The following COL4A1 variants were observed in gnomAD, a reference collection of about 807,000 sequenced individuals.
COL4A1 encodes the protein collagen alpha-1(IV) chain.
In COL4A1, 40 loss-of-function variants were observed where a neutral mutation model predicts 216.6. That is an observed-to-expected ratio of 0.18 (90% confidence interval 0.14 to 0.24). The LOEUF (loss-of-function observed/expected upper bound fraction) is 0.24, where lower values mean the gene tolerates loss of function less well. COL4A1 is among the 10% of genes least tolerant of loss of function. COL4A1 has a pLI of 1.00. For synonymous variants in COL4A1, 839 were observed against 810.7 expected (o/e 1.03, Z -0.59); for missense variants, 1,628 against 2,196.8 (o/e 0.74, Z 5.18).
At chr13:110,253,821 G>A (rs922062705) in intron 1 of COL4A1, among the ~76,000 whole-genome samples, 1 of 96,948 alleles carries the variant, frequency 1.0e-5, no homozygotes, top group Admixed American at 1.0e-4. Context: ...TTATACGTAT[G>A]TATGTATTAT....
In COL4A1 at chr13:110,173,913, C is replaced by T. The variant is rs182418518; in HGVS notation, c.3492G>A (p.Glu1164=). 15 of 1,614,238 alleles carry T rather than the reference C, an allele frequency of 9.3e-6. No individual in the cohort carries two copies. Among genetic ancestry groups the T allele is most frequent in the Admixed American group, 6.7e-5 (4 of 60,026 alleles). Residue 1164 remains glutamate (E), a synonymous_variant, in exon 40 of 52, where the codon GAG becomes GAA. Transcript: ENST00000375820. ...GTTGGGCCATACCTGGTTCACCCTT[C>T]TCTCCTGCTGACCCCGGGATTCCAT... ...GSDGIPGSAG[E]KGEPGLPGRG...
chr13:110,255,574 G>C (rs12583409), intron 1 of COL4A1, among the ~76,000 whole-genome samples: 11,982 of 20,624 alleles, frequency 0.58, 3,168 homozygotes, highest in East Asian at 0.69. Flanking sequence ...AGGAAGGGAG[G>C]GGGCAGGCAG....
chr13:110,239,428 C>T (rs1881461129), intron 2 of COL4A1, among the ~76,000 whole-genome samples: 1 of 152,214 alleles, frequency 6.6e-6, no homozygotes, highest in Admixed American at 6.5e-5. Flanking sequence ...TTCCAAATTT[C>T]TAAGGCTGTG....
intron 18 of COL4A1, among the ~76,000 whole-genome samples, chr13:110,202,284 C>G (rs1879287764): frequency 6.8e-6 from 1 of 147,256 alleles, no homozygotes; most frequent in African/African-American, 2.5e-5. Context: ...GGTCGCAAGA[C>G]AAGAAGAGGC....
At chr13:110,213,675 G>A (rs1879928723) in intron 4 of COL4A1, 107 bp downstream of exon 4, 2 of 1,126,988 alleles carry the variant, frequency 1.8e-6, no homozygotes, top group Non-Finnish European at 2.7e-6. Context: ...GCTGGGAGAG[G>A]AGATGGAGGA....
intron 21 of COL4A1, 90 bp downstream of exon 21, chr13:110,198,377 T>TG: frequency 7.0e-7 from 1 of 1,419,664 alleles, no homozygotes. Context: ...ACTCTGGCTG[T>TG]GGGGGACTAT....
intron 26 of COL4A1, among the ~76,000 whole-genome samples, chr13:110,185,134 C>CTTTA (rs772293080): frequency 1.7e-3 from 251 of 152,118 alleles, no homozygotes; most frequent in East Asian, 5.0e-3. Context: ...TATCCAGCTA[C>CTTTA]TTTATTTATT....
rs12184772 is a variant in COL4A1, at chr13:110,195,399, A to G, written c.1286-281T>C. On this transcript the variant is annotated intron_variant, in intron 21 of 51. Coordinates refer to ENST00000375820, the MANE Select transcript of COL4A1 (RefSeq NM_001845.6). ...GTGCATCAGCCCTGTCCTGTATACTATTTCATTTCATCTTGCGAAGTGCCT... is the reference window on the plus strand; with the variant it reads ...GTGCATCAGCCCTGTCCTGTATACTGTTTCATTTCATCTTGCGAAGTGCCT... Among the ~76,000 whole-genome samples, 29,422 of 152,166 alleles carry G rather than the reference A, an allele frequency of 0.19. 2,831 individuals carry two copies. Among genetic ancestry groups the G allele is most frequent in the South Asian group, 0.21 (1,004 of 4,826 alleles).
rs570336766 is a variant in COL4A1, at chr13:110,176,044, G to A, written c.3058+380C>T. On this transcript the variant is annotated intron_variant, in intron 36 of 51. Coordinates refer to ENST00000375820, the MANE Select transcript of COL4A1 (RefSeq NM_001845.6). ...GTCCGGGATTGGAGCAGAGGAGTCC[G>A]GAGAATTCTTCTGAACTAACACAAA... 2.0e-4 allele frequency among the ~76,000 whole-genome samples: 30 copies of A among 152,292 alleles called. No individual in the cohort carries two copies. In the South Asian group the frequency reaches 2.3e-3, roughly 12 times the overall value.
chr13:110,207,135 C>G lies in COL4A1; in HGVS notation c.781-244G>C, dbSNP rs1879556806. On this transcript the variant is annotated intron_variant, in intron 13 of 51. Coordinates refer to ENST00000375820, the MANE Select transcript of COL4A1 (RefSeq NM_001845.6). The surrounding 1 kb of genome is among the most constrained non-coding windows in gnomAD (Gnocchi z 4.4). The stretch of plus-strand genomic sequence containing the variant: ...CTGCCCCCCAGCCCAGCTCCCTCCT[C>G]CTGACCAAGCCATCTCCAACTTGGG... Among the ~76,000 whole-genome samples the G allele has an allele frequency of 6.6e-6, 1 of 152,016 alleles. No individual in the cohort carries two copies. The highest frequency in any genetic ancestry group is 1.9e-4 in the East Asian group (1 of 5,166).
chr13:110,176,994 A>G lies in COL4A1; in HGVS notation c.2760T>C (p.Pro920=). ...CATCCCCCTTATCACCTTTCAAGCC[A>G]GGGTCTCCCCTGGGTCCTGAGGAGC... ...FPGSSGPRGD[P]GLKGDKGDVG... is the part of the protein sequence containing the mutation. The change falls in exon 34 of 52, where the codon CCT becomes CCC. Residue 920 remains proline, a synonymous_variant. Coordinates refer to ENST00000375820, the MANE Select transcript of COL4A1 (RefSeq NM_001845.6). The G allele has an allele frequency of 6.2e-7, 1 of 1,614,060 alleles. No individual in the cohort carries two copies. Among genetic ancestry groups the G allele is most frequent in the Non-Finnish European group, 8.5e-7 (1 of 1,180,028 alleles).
intron 1 of COL4A1, among the ~76,000 whole-genome samples, chr13:110,296,653 C>T (rs1218264450): frequency 1.3e-5 from 2 of 152,196 alleles, no homozygotes; most frequent in African/African-American, 4.8e-5. Flanking sequence ...TAATTCCACT[C>T]AATTCTGATT....
chr13:110,151,985 T>C (rs1210083438), intron 51 of COL4A1, among the ~76,000 whole-genome samples: 1 of 152,194 alleles, frequency 6.6e-6, no homozygotes, highest in Non-Finnish European at 1.5e-5. Context: ...GGCATGAAAA[T>C]GAACGCTGCT....
chr13:110,307,121 G>A lies in COL4A1; in HGVS notation c.-94C>T, dbSNP rs1422387986. 12 of 1,019,560 alleles carry A rather than the reference G, an allele frequency of 1.2e-5. No individual in the cohort carries two copies. The highest frequency in any genetic ancestry group is 1.3e-5 in the Non-Finnish European group (10 of 755,758). The allele number at this position is 1,019,560 out of a possible 1,614,324, so 63.2% of individuals were successfully genotyped here. On this transcript the variant is annotated 5_prime_UTR_variant, in exon 1 of 52. Transcript: ENST00000375820. This position sits in a 1 kb window ranked among gnomAD's most constrained non-coding sequence, Gnocchi z 5.0. The stretch of plus-strand genomic sequence containing the variant: ...CGGAAGGCCGGACTTCCAGCGCTAC[G>A]CACCGTCCCGGGTGCGGCGGCTCCA...
chr13:110,188,106 G>A (rs1402595050), intron 24 of COL4A1, among the ~76,000 whole-genome samples: 1 of 152,230 alleles, frequency 6.6e-6, no homozygotes, highest in African/African-American at 2.4e-5. Context: ...TTCTCCTCCA[G>A]CATCCTGAGA....
At chr13:110,277,182 T>C (rs937877293) in intron 1 of COL4A1, among the ~76,000 whole-genome samples, 2 of 152,250 alleles carry the variant, frequency 1.3e-5, no homozygotes, top group African/African-American at 4.8e-5. Context: ...TCTGTAGTTA[T>C]ATTCCAGGGC....
intron 1 of COL4A1, among the ~76,000 whole-genome samples, chr13:110,298,161 G>C (rs771920661): frequency 1.2e-4 from 19 of 152,054 alleles, no homozygotes; most frequent in Non-Finnish European, 2.8e-4. Context: ...AGTTTTAAAA[G>C]CCTAAATTCC....
At chr13:110,182,784 G>T (rs138887917) in intron 28 of COL4A1, among the ~76,000 whole-genome samples, 1 of 152,228 alleles carries the variant, frequency 6.6e-6, no homozygotes, top group Non-Finnish European at 1.5e-5. Context: ...CAGCCTTAGC[G>T]TCCCATCTTC....
chr13:110,228,397 A>G (rs1880849699), intron 2 of COL4A1, among the ~76,000 whole-genome samples: 1 of 152,092 alleles, frequency 6.6e-6, no homozygotes, highest in South Asian at 2.1e-4. Context: ...ATGACTACCC[A>G]CTTCCGGGCC....
Sources: gnomAD v4.1 joint callset for allele counts (sites outside exome capture counted in the v4.1 genomes callset) on GRCh38, gnomAD v4.1.1 for gene constraint, Gnocchi (gnomAD v3.1) non-coding constraint, MANE v1.5 for transcripts, NCBI Gene and HGNC (gene_info 2026-07-23, HGNC 2026-07-21) for gene names.